NT5DC1: variants seen among roughly 807,000 people sequenced by gnomAD.
The protein encoded by NT5DC1 is 5'-nucleotidase domain-containing protein 1.
A neutral mutation model predicts 59.4 loss-of-function variants in NT5DC1; 42 were observed. That is an observed-to-expected ratio of 0.71 (90% confidence interval 0.55 to 0.92). NT5DC1 has a LOEUF of 0.92. Among genes scored for constraint, NT5DC1 ranks in the 40% least tolerant of loss-of-function variants. NT5DC1 has a pLI of 0.00. For missense variants in NT5DC1, 501 were observed against 537.1 expected, an observed-to-expected ratio of 0.93 and a Z score of 0.66; for synonymous variants, 172 against 188.1, an observed-to-expected ratio of 0.91 and a Z score of 0.70.
intron 6 of NT5DC1, among the ~76,000 whole-genome samples, chr6:116,174,133 A>G (rs1345683083): frequency 6.6e-6 from 1 of 152,192 alleles, no homozygotes; most frequent in South Asian, 2.1e-4. Flanking sequence ...CATGCTGTCA[A>G]CATGACATCA....
At chr6:116,181,146 G>A (rs1313808633) in intron 6 of NT5DC1, among the ~76,000 whole-genome samples, 2 of 151,928 alleles carry the variant, frequency 1.3e-5, no homozygotes, top group Admixed American at 1.3e-4. Flanking sequence ...CGAGTGATGA[G>A]TATAGCAGTT....
At chr6:116,174,569 A>C (rs1262312589) in intron 6 of NT5DC1, among the ~76,000 whole-genome samples, 1 of 152,256 alleles carries the variant, frequency 6.6e-6, no homozygotes, top group Non-Finnish European at 1.5e-5. Context: ...TTGTTTCATG[A>C]TAAAAGTAAT....
intron 6 of NT5DC1, among the ~76,000 whole-genome samples, chr6:116,157,671 G>A (rs1269741932): frequency 6.6e-6 from 1 of 152,056 alleles, no homozygotes; most frequent in Non-Finnish European, 1.5e-5. Flanking sequence ...CCAAATTTGG[G>A]CTCATTTTTT....
intron 6 of NT5DC1, among the ~76,000 whole-genome samples, chr6:116,164,856 G>A (rs935233559): frequency 6.6e-6 from 1 of 152,038 alleles, no homozygotes; most frequent in Non-Finnish European, 1.5e-5. Flanking sequence ...GGCCGAGGCA[G>A]GCAGATCATA....
chr6:116,105,040 A>G (rs772854262), intron 1 of NT5DC1, among the ~76,000 whole-genome samples: 19 of 152,174 alleles, frequency 1.2e-4, no homozygotes, highest in Non-Finnish European at 2.2e-4. Flanking sequence ...ATGTGGTTCA[A>G]TTAACAGTTG....
intron 6 of NT5DC1, among the ~76,000 whole-genome samples, chr6:116,189,825 A>C (rs1781077603): frequency 6.6e-6 from 1 of 152,048 alleles, no homozygotes; most frequent in South Asian, 2.1e-4. Context: ...GGTAGACAGC[A>C]GTTACTTAGT....
intron 6 of NT5DC1, chr6:116,120,003 A>C: frequency 7.5e-7 from 1 of 1,324,516 alleles, no homozygotes; most frequent in South Asian, 1.2e-5. Flanking sequence ...CTCCATATGC[A>C]TTTTGTAGGG....
intron 6 of NT5DC1, among the ~76,000 whole-genome samples, chr6:116,142,973 T>A (rs1312264648): frequency 6.6e-6 from 1 of 152,146 alleles, no homozygotes; most frequent in Non-Finnish European, 1.5e-5. Flanking sequence ...GGTGGGAAAA[T>A]TTGATGGATA....
intron 6 of NT5DC1, among the ~76,000 whole-genome samples, chr6:116,123,171 T>C (rs1165895668): frequency 6.6e-6 from 1 of 152,216 alleles, no homozygotes; most frequent in Non-Finnish European, 1.5e-5. Flanking sequence ...ATTGTCTTAG[T>C]CTGATTGGAA....
intron 6 of NT5DC1, among the ~76,000 whole-genome samples, chr6:116,200,847 TA>T (rs1781332843): frequency 6.6e-6 from 1 of 152,048 alleles, no homozygotes; most frequent in African/African-American, 2.4e-5. Flanking sequence ...AGACCATGTT[TA>T]CTTTTTCTTC....
At chr6:116,139,459 C>T (rs915751827) in intron 6 of NT5DC1, among the ~76,000 whole-genome samples, 1 of 151,940 alleles carries the variant, frequency 6.6e-6, no homozygotes, top group Non-Finnish European at 1.5e-5. Context: ...CTTTCAGTGT[C>T]GATACCACAA....
chr6:116,160,248 TC>T (rs1439340565), intron 6 of NT5DC1, among the ~76,000 whole-genome samples: 1 of 152,172 alleles, frequency 6.6e-6, no homozygotes, highest in Non-Finnish European at 1.5e-5. Context: ...TATATACATT[TC>T]CTTTTCTCCA....
chr6:116,146,728 A>C (rs1779907523), intron 6 of NT5DC1, among the ~76,000 whole-genome samples: 1 of 152,088 alleles, frequency 6.6e-6, no homozygotes, highest in Admixed American at 6.6e-5. Flanking sequence ...ATGGTATTCA[A>C]ACTGAATAGA....
intron 8 of NT5DC1, among the ~76,000 whole-genome samples, chr6:116,227,926 C>T (rs1319445467): frequency 2.6e-5 from 4 of 152,182 alleles, no homozygotes; most frequent in Non-Finnish European, 5.9e-5. Flanking sequence ...ACTTTGTTGA[C>T]TGTTTTCTTT....
At chr6:116,240,996 T>C (rs917810914) in intron 11 of NT5DC1, among the ~76,000 whole-genome samples, 29 of 152,110 alleles carry the variant, frequency 1.9e-4, no homozygotes, top group African/African-American at 6.7e-4. Context: ...GTACAAAAAT[T>C]AGCCGGGTGT....
intron 6 of NT5DC1, among the ~76,000 whole-genome samples, chr6:116,205,100 TTC>T (rs755171749): frequency 2.0e-4 from 30 of 151,782 alleles, no homozygotes; most frequent in Non-Finnish European, 3.8e-4. Context: ...CATTCATGGG[TTC>T]TTAGTTTCTG....
At position 116,147,711 on chromosome 6, in the gene NT5DC1, A is replaced by T. The variant is rs143484859; in HGVS notation, c.529+29766A>T. ...TAAACTTTAAAAATGTTAAATGCAC[A>T]TTCACCCAAGAATTATATCTCTAAG... On this transcript the variant is annotated intron_variant, in intron 6 of 11. Coordinates refer to ENST00000319550, the MANE Select transcript of NT5DC1 (RefSeq NM_152729.3). Among the ~76,000 whole-genome samples the T allele has an allele frequency of 5.7e-3, 875 of 152,332 alleles. 9 individuals are homozygous for T. Among genetic ancestry groups the T allele is most frequent in the Middle Eastern group, 0.01 (3 of 294 alleles).
At position 116,221,148 on chromosome 6, in the gene NT5DC1, A is replaced by G. The variant is rs1781790610; in HGVS notation, c.624A>G (p.Leu208=). 1 of 1,587,966 alleles carries G rather than the reference A, an allele frequency of 6.3e-7. No homozygotes were observed. Among genetic ancestry groups the G allele is most frequent in the Admixed American group, 1.7e-5 (1 of 59,986 alleles). Residue 208 remains leucine (L), a synonymous_variant, in exon 7 of 12, where the codon CTA becomes CTG. Coordinates refer to ENST00000319550, the MANE Select transcript of NT5DC1 (RefSeq NM_152729.3). ...PESVKKWLRQ[L]KNAGKILLLI... ...CTGTGAAAAAATGGCTTCGACAGCTAAAGAATGCTGGGAAAATTCTTCTGT... is the reference window on the plus strand; with the variant it reads ...CTGTGAAAAAATGGCTTCGACAGCTGAAGAATGCTGGGAAAATTCTTCTGT...
At position 116,120,555 on chromosome 6, in the gene NT5DC1, T is replaced by A. The variant is rs764643981; in HGVS notation, c.529+2610T>A. On this transcript the variant is annotated intron_variant, in intron 6 of 11. Coordinates refer to ENST00000319550, the MANE Select transcript of NT5DC1 (RefSeq NM_152729.3). ...CCTGCCTTTATAAAACCCTCAGGCATGACTGCTTGACCTGGTGGGCCTGGA... is the reference window on the plus strand; with the variant it reads ...CCTGCCTTTATAAAACCCTCAGGCAAGACTGCTTGACCTGGTGGGCCTGGA... The A allele has an allele frequency of 1.6e-5, 26 of 1,612,034 alleles. No homozygotes were observed. The highest frequency in any genetic ancestry group is 1.9e-5 in the Non-Finnish European group (22 of 1,178,942).
Sources: allele counts gnomAD v4.1 joint callset (sites outside exome capture counted in the v4.1 genomes callset), GRCh38; gene constraint gnomAD v4.1.1; transcripts MANE v1.5; gene names NCBI Gene and HGNC (gene_info 2026-07-23, HGNC 2026-07-21).